Variants in SNX25 observed in about 807,000 individuals in gnomAD.
SNX25 encodes the protein sorting nexin 25, also known as sorting nexin-25.
Under a neutral mutation model 113.7 loss-of-function variants are expected in SNX25, and 62 were observed. That is an observed-to-expected ratio of 0.55 (90% CI 0.44 to 0.67). The LOEUF is 0.67. Ranked by LOEUF, SNX25 falls within the 30% of genes least tolerant of loss-of-function variation. SNX25 has a pLI of 0.00. For missense variants in SNX25, 1,014 were observed against 1,161.0 expected, an observed-to-expected ratio of 0.87 and a Z score of 1.84; for synonymous variants, 421 against 436.2, an observed-to-expected ratio of 0.97 and a Z score of 0.43.
At chr4:185,311,377 T>C (rs1216423844) in intron 7 of SNX25, among the ~76,000 whole-genome samples, 2 of 152,194 alleles carry the variant, frequency 1.3e-5, no homozygotes, top group African/African-American at 4.8e-5. Flanking sequence ...TCTGACTGTT[T>C]TTGTACTGTA....
intron 2 of SNX25, among the ~76,000 whole-genome samples, chr4:185,252,210 T>A (rs1745768496): frequency 6.6e-6 from 1 of 152,186 alleles, no homozygotes; most frequent in Non-Finnish European, 1.5e-5. Flanking sequence ...TTTGACCAGT[T>A]AATTTTATGG....
At chr4:185,369,325 C>T (rs189133150) in intron 11 of SNX25, among the ~76,000 whole-genome samples, 118 of 143,964 alleles carry the variant, frequency 8.2e-4, no homozygotes, top group African/African-American at 2.9e-3. Context: ...TGAAGCAATT[C>T]TCCTGCCTCA....
At chr4:185,295,086 C>G (rs1752667947) in intron 6 of SNX25, among the ~76,000 whole-genome samples, 1 of 152,106 alleles carries the variant, frequency 6.6e-6, no homozygotes, top group South Asian at 2.1e-4. Flanking sequence ...GTTTCCCCCT[C>G]CCATAAAAGT....
intron 6 of SNX25, among the ~76,000 whole-genome samples, chr4:185,301,221 C>T (rs1367475211): frequency 6.7e-6 from 1 of 149,550 alleles, no homozygotes; most frequent in African/African-American, 2.6e-5. Flanking sequence ...ACACAGTTGT[C>T]TTCGGTCATG....
At chr4:185,342,852 G>T (rs956505118) in intron 12 of SNX25, among the ~76,000 whole-genome samples, 7 of 152,086 alleles carry the variant, frequency 4.6e-5, no homozygotes, top group Admixed American at 4.6e-4. Flanking sequence ...CTTCATGGCT[G>T]TGTGACCTGG....
At chr4:185,347,219 C>A (rs771411088) in intron 13 of SNX25, among the ~76,000 whole-genome samples, 1 of 152,190 alleles carries the variant, frequency 6.6e-6, no homozygotes, top group Admixed American at 6.5e-5. Context: ...ACAAAGGGTG[C>A]TTATATAAAC....
upstream of SNX25, among the ~76,000 whole-genome samples, chr4:185,208,702 TG>T (rs776651525): frequency 3.8e-4 from 57 of 151,764 alleles, no homozygotes; most frequent in African/African-American, 1.1e-3. Context: ...CACTCCAGCC[TG>T]GGCAACAGAG....
At chr4:185,267,264 G>A in intron 5 of SNX25, 109 bp downstream of exon 5, 2 of 1,071,366 alleles carry the variant, frequency 1.9e-6, no homozygotes, top group Non-Finnish European at 2.7e-6. Flanking sequence ...AATAAAACAA[G>A]TCTATAAATC....
chr4:185,231,056 G>A (rs183320435), intron 1 of SNX25, among the ~76,000 whole-genome samples: 3 of 151,050 alleles, frequency 2.0e-5, no homozygotes, highest in Non-Finnish European at 2.9e-5. Context: ...AATGGCTGTC[G>A]CACAAAGGCC....
chr4:185,252,812 A>T (rs533887473), intron 2 of SNX25, among the ~76,000 whole-genome samples: 1 of 152,356 alleles, frequency 6.6e-6, no homozygotes, highest in Admixed American at 6.5e-5. Flanking sequence ...AATATACTCC[A>T]GCTTTCTGTG....
Position 185,339,363 on chromosome 4 carries a change from A to G in SNX25, c.1915-16A>G, listed in dbSNP as rs2095248622. ...TAAGTGTTTTCATAACTCCCAGGAT[A>G]TTTTCCCTGTGGCAGATTGTTTCCA... is the stretch of plus-strand genomic sequence containing the variant. On this transcript the variant is annotated splice_polypyrimidine_tract_variant and intron_variant, in intron 10 of 18. Coordinates refer to ENST00000652585, the MANE Select transcript of SNX25 (RefSeq NM_001378034.2). 6.2e-7 allele frequency: 1 copy of G among 1,612,894 alleles called. No homozygotes were observed. The highest frequency in any genetic ancestry group is 1.7e-5 in the Admixed American group (1 of 59,914).
chr4:185,328,201 C>T (rs2095169960), intron 9 of SNX25, among the ~76,000 whole-genome samples: 1 of 151,952 alleles, frequency 6.6e-6, no homozygotes, highest in Non-Finnish European at 1.5e-5. Context: ...GGATTATTGG[C>T]CTTTGGGTGA....
chr4:185,241,004 A>G (rs1331114774), intron 1 of SNX25, among the ~76,000 whole-genome samples: 3 of 146,044 alleles, frequency 2.1e-5, no homozygotes, highest in East Asian at 4.3e-4. Flanking sequence ...CTGGGCAGCC[A>G]GGCAGAGAGG....
At chr4:185,248,387 G>A (rs1256320854) in intron 2 of SNX25, among the ~76,000 whole-genome samples, 1 of 152,184 alleles carries the variant, frequency 6.6e-6, no homozygotes, top group Non-Finnish European at 1.5e-5. Flanking sequence ...GCTGGATGTG[G>A]TGGCTCATGC....
intron 6 of SNX25, among the ~76,000 whole-genome samples, chr4:185,288,620 G>A (rs1255216560): frequency 2.7e-5 from 2 of 73,560 alleles, no homozygotes; most frequent in African/African-American, 9.6e-5. Context: ...GGGTGGGGGG[G>A]TGGTGTATAT....
At chr4:185,316,443 A>G (rs960133149) in intron 7 of SNX25, among the ~76,000 whole-genome samples, 1 of 152,204 alleles carries the variant, frequency 6.6e-6, no homozygotes, top group Admixed American at 6.5e-5. Flanking sequence ...AGCAACTCTA[A>G]CTGCACAGTG....
chr4:185,264,425 T>C lies in SNX25; in HGVS notation c.732-13T>C. On this transcript the variant is annotated splice_polypyrimidine_tract_variant and intron_variant, in intron 3 of 18. Transcript: ENST00000652585. ...AGAAACTTCTTTCCTTCTTTTTCACTCTCTTTATTTAGACATGAAGAACAG... is the reference window on the plus strand; with the variant it reads ...AGAAACTTCTTTCCTTCTTTTTCACCCTCTTTATTTAGACATGAAGAACAG... The C allele has an allele frequency of 6.2e-7, 1 of 1,604,890 alleles. No homozygotes were observed. Among genetic ancestry groups the C allele is most frequent in the Non-Finnish European group, 8.5e-7 (1 of 1,175,526 alleles).
intron 1 of SNX25, among the ~76,000 whole-genome samples, chr4:185,223,442 G>A (rs1740316347): frequency 6.6e-6 from 1 of 152,118 alleles, no homozygotes; most frequent in Non-Finnish European, 1.5e-5. Flanking sequence ...TTGACAGTGG[G>A]TCCAGAGGCC....
At chr4:185,309,605 C>G (rs1472443710) in intron 6 of SNX25, among the ~76,000 whole-genome samples, 3 of 152,060 alleles carry the variant, frequency 2.0e-5, no homozygotes, top group South Asian at 4.1e-4. Flanking sequence ...CTTTTAATTC[C>G]TCGGCAACCT....
Sources: allele counts gnomAD v4.1 joint callset (sites outside exome capture counted in the v4.1 genomes callset), GRCh38; gene constraint gnomAD v4.1.1; transcripts MANE v1.5; gene names NCBI Gene and HGNC (gene_info 2026-07-23, HGNC 2026-07-21).